Variants in CUBN observed in about 807,000 individuals in gnomAD.
CUBN encodes cubilin, also known as 460 kDa receptor.
Under a neutral mutation model 405.3 loss-of-function variants are expected in CUBN, and 282 were observed. The observed-to-expected ratio is 0.70, with a 90% CI of 0.63 to 0.77. The LOEUF is 0.77. Ranked by LOEUF, CUBN falls within the 30% of genes least tolerant of loss-of-function variation. The probability of loss-of-function intolerance (pLI) is 0.00; values close to 1 mark genes in which losing one functional copy is unlikely to be tolerated. For missense variants in CUBN, 4,514 were observed against 4,475.2 expected (o/e 1.01, Z -0.25); for synonymous variants, 1,684 against 1,617.0 (o/e 1.04, Z -0.99).
intron 11 of CUBN, 113 bp downstream of exon 11, chr10:17,105,344 A>T (rs897467647): frequency 5.6e-5 from 44 of 786,460 alleles, no homozygotes; most frequent in Non-Finnish European, 8.7e-5. Context: ...ACAGTTCCTT[A>T]TCTGAAACTT....
chr10:16,919,838 C>T (rs137899386), intron 44 of CUBN, 125 bp downstream of exon 44: 1 of 1,055,494 alleles, frequency 9.5e-7, no homozygotes, highest in South Asian at 1.4e-5. Flanking sequence ...AGCCATTAAG[C>T]ATTTCCCTTT....
intron 27 of CUBN, among the ~76,000 whole-genome samples, chr10:17,037,836 G>A (rs1046739697): frequency 2.0e-5 from 3 of 151,876 alleles, no homozygotes; most frequent in African/African-American, 4.8e-5. Flanking sequence ...TCCTGCTCTC[G>A]CCCCACAAAC....
At chr10:17,015,536 GGACAAGAGATT>G (rs1834304161) in intron 28 of CUBN, among the ~76,000 whole-genome samples, 1 of 152,160 alleles carries the variant, frequency 6.6e-6, no homozygotes, top group Non-Finnish European at 1.5e-5. Flanking sequence ...CAGTCATCCA[GGACAAGAGATT>G]AACACTGAGA....
chr10:16,993,512 A>G (rs570519972), intron 28 of CUBN, among the ~76,000 whole-genome samples: 21 of 152,084 alleles, frequency 1.4e-4, no homozygotes, highest in Non-Finnish European at 2.8e-4. Flanking sequence ...AAATTACAGT[A>G]TAGTTATATG....
intron 6 of CUBN, 124 bp from the exon 7 acceptor site, chr10:17,115,721 A>G: frequency 3.3e-6 from 4 of 1,225,154 alleles, no homozygotes; most frequent in Non-Finnish European, 4.8e-6. Flanking sequence ...ATCGTCAGCC[A>G]GCAATGCAAA....
In CUBN at chr10:17,110,903, T is replaced by G. The variant is rs1564519459; in HGVS notation, c.1015+16A>C. Reference sequence around the variant, plus strand: ...TGTGCTGGGGTCAGGAGGTTGACATTGAACCGAGGCAGCACCTGGTGGACA... The same window carrying G: ...TGTGCTGGGGTCAGGAGGTTGACATGGAACCGAGGCAGCACCTGGTGGACA... On this transcript the variant is annotated intron_variant, in intron 9 of 66. Transcript: ENST00000377833. 1 of 1,614,152 alleles carries G rather than the reference T, an allele frequency of 6.2e-7. No homozygotes were observed. Among genetic ancestry groups the G allele is most frequent in the East Asian group, 2.2e-5 (1 of 44,890 alleles).
chr10:16,948,458 C>A lies in CUBN; in HGVS notation c.5209+20G>T. The A allele has an allele frequency of 6.2e-7, 1 of 1,613,542 alleles. No individual in the cohort carries two copies. Among genetic ancestry groups the A allele is most frequent in the South Asian group, 1.1e-5 (1 of 91,008 alleles). On this transcript the variant is annotated intron_variant, in intron 35 of 66. Transcript: ENST00000377833. ...CCACATCCCTTTTAACCGCTAGAGTCAGGTGCTAGGGTTTCTTACCCGACA... is the reference window on the plus strand; with the variant it reads ...CCACATCCCTTTTAACCGCTAGAGTAAGGTGCTAGGGTTTCTTACCCGACA...
intron 14 of CUBN, among the ~76,000 whole-genome samples, chr10:17,099,752 T>G (rs558607321): frequency 1.3e-5 from 2 of 152,228 alleles, no homozygotes; most frequent in South Asian, 4.1e-4. Context: ...CTCAGAAGGC[T>G]GAGGTGTGAG....
At chr10:16,858,463 G>C (rs1185476577) in intron 59 of CUBN, among the ~76,000 whole-genome samples, 1 of 152,116 alleles carries the variant, frequency 6.6e-6, no homozygotes, top group Non-Finnish European at 1.5e-5. Flanking sequence ...TAGGACCACA[G>C]GCAAATGCCA....
In CUBN at chr10:16,928,307, C is replaced by G. The variant is rs377588767; in HGVS notation, c.6125-4G>C. The G allele has an allele frequency of 1.1e-5, 18 of 1,613,554 alleles. No homozygotes were observed. Among genetic ancestry groups the G allele is most frequent in the Non-Finnish European group, 1.5e-5 (18 of 1,179,700 alleles). Reference sequence around the variant, plus strand: ...TGCTGGGCCAAGTTATTATCTCCTACGTTGAAAGAAAGGGAACAACATGAA... The same window carrying G: ...TGCTGGGCCAAGTTATTATCTCCTAGGTTGAAAGAAAGGGAACAACATGAA... On this transcript the variant is annotated splice_region_variant and splice_polypyrimidine_tract_variant and intron_variant, in intron 40 of 66. Transcript: ENST00000377833.
At chr10:17,121,408 A>C (rs564980302) in intron 6 of CUBN, among the ~76,000 whole-genome samples, 2 of 152,126 alleles carry the variant, frequency 1.3e-5, no homozygotes, top group Non-Finnish European at 2.9e-5. Context: ...GACATGGATG[A>C]AGCTGGAAAC....
chr10:16,925,254 CTCA>C lies in CUBN; in HGVS notation c.6630_6632del (p.Tyr2210_Glu2211delinsTer). On this transcript the variant is annotated stop_gained and inframe_deletion, in exon 43 of 67. Transcript: ENST00000377833. LOFTEE classifies it high-confidence loss of function. ...GAAAATACTTACCTAAACTCTTTGCCTCATATTTGATTTTAAATCCTTGCCCTT... is the reference window on the plus strand; with the variant it reads ...GAAAATACTTACCTAAACTCTTTGCCTATTTGATTTTAAATCCTTGCCCTT... 6.2e-7 allele frequency: 1 copy of C among 1,612,440 alleles called. No individual in the cohort carries two copies. Among genetic ancestry groups the C allele is most frequent in the Non-Finnish European group, 8.5e-7 (1 of 1,178,632 alleles).
intron 13 of CUBN, among the ~76,000 whole-genome samples, chr10:17,102,126 T>C (rs920106382): frequency 6.6e-6 from 1 of 152,156 alleles, no homozygotes; most frequent in African/African-American, 2.4e-5. Flanking sequence ...GGAGAAAGCA[T>C]GGACTTTGGA....
At chr10:17,044,829 G>C (rs983943273) in intron 25 of CUBN, among the ~76,000 whole-genome samples, 178 bp downstream of exon 25, 1 of 152,074 alleles carries the variant, frequency 6.6e-6, no homozygotes, top group East Asian at 1.9e-4. Context: ...GAGCCATTGA[G>C]TACTTCGAAG....
chr10:16,879,665 C>G (rs1214461745), intron 56 of CUBN, among the ~76,000 whole-genome samples: 1 of 152,254 alleles, frequency 6.6e-6, no homozygotes, highest in African/African-American at 2.4e-5. Context: ...CCAATCCAGT[C>G]CAATAAAGGT....
At chr10:16,914,061 T>G in intron 47 of CUBN, 69 bp from the exon 48 acceptor site, 1 of 1,535,672 alleles carries the variant, frequency 6.5e-7, no homozygotes, top group Non-Finnish European at 9.0e-7. Context: ...AAGAAAGCTC[T>G]CAAAATTCAG....
intron 6 of CUBN, chr10:17,122,538 T>C (rs1220882716): frequency 1.9e-6 from 1 of 532,842 alleles, no homozygotes; most frequent in African/African-American, 1.9e-5. Flanking sequence ...TCTGTGCCAA[T>C]CACGGGAGCC....
chr10:16,924,271 G>A (rs1369000305), intron 43 of CUBN, among the ~76,000 whole-genome samples: 1 of 152,160 alleles, frequency 6.6e-6, no homozygotes, highest in Non-Finnish European at 1.5e-5. Flanking sequence ...GAAGGTCCCA[G>A]CTTAGAAAGC....
intron 28 of CUBN, among the ~76,000 whole-genome samples, chr10:17,011,130 C>T (rs1018871344): frequency 6.6e-6 from 1 of 152,198 alleles, no homozygotes; most frequent in Non-Finnish European, 1.5e-5. Context: ...TTGAGAACTA[C>T]TGCTATGAGA....
Sources: gnomAD v4.1 joint callset for allele counts (sites outside exome capture counted in the v4.1 genomes callset) on GRCh38, gnomAD v4.1.1 for gene constraint, MANE v1.5 for transcripts, NCBI Gene and HGNC (gene_info 2026-07-23, HGNC 2026-07-21) for gene names.